Variants in ANKRD30BL observed in about 807,000 individuals in gnomAD.
ANKRD30BL encodes putative ankyrin repeat domain-containing protein 30B-like.
In ANKRD30BL, 20 loss-of-function variants were observed where a neutral mutation model predicts 18.4. The observed-to-expected ratio is 1.09, with a 90% CI of 0.77 to 1.58. The LOEUF is 1.58. ANKRD30BL is among the 40% of genes most tolerant of loss of function. The probability of loss-of-function intolerance (pLI) is 0.00; values close to 1 mark genes in which losing one functional copy is unlikely to be tolerated. For synonymous variants in ANKRD30BL, 72 were observed against 100.9 expected (o/e 0.71, Z 1.72); for missense variants, 224 against 268.6 (o/e 0.83, Z 1.16).
intron 1 of ANKRD30BL, among the ~76,000 whole-genome samples, chr2:132,238,521 T>G (rs1328154658): frequency 2.0e-5 from 3 of 151,974 alleles, no homozygotes; most frequent in African/African-American, 7.2e-5. Flanking sequence ...GACTTGAACA[T>G]TCGTTTTCAT....
intron 4 of ANKRD30BL, among the ~76,000 whole-genome samples, chr2:132,151,694 T>C (rs1447768539): frequency 6.6e-6 from 1 of 152,150 alleles, no homozygotes; most frequent in Non-Finnish European, 1.5e-5. Flanking sequence ...TAATTCCTAC[T>C]TTTGGACATT....
intron 1 of ANKRD30BL, among the ~76,000 whole-genome samples, chr2:132,188,665 A>ACC (rs1678768332): frequency 6.6e-6 from 1 of 152,136 alleles, no homozygotes; most frequent in Admixed American, 6.5e-5. Context: ...AGCCAAGATC[A>ACC]CGCCACTGCA....
At chr2:132,230,304 T>C (rs1398327569) in intron 1 of ANKRD30BL, among the ~76,000 whole-genome samples, 2 of 151,972 alleles carry the variant, frequency 1.3e-5, no homozygotes, top group African/African-American at 2.4e-5. Context: ...CGGGAATATC[T>C]TCACATAAAA....
chr2:132,202,501 A>G (rs6430119), intron 1 of ANKRD30BL, among the ~76,000 whole-genome samples: 24,210 of 150,996 alleles, frequency 0.16, 4,187 homozygotes, highest in African/African-American at 0.44. Flanking sequence ...AATTTTAATC[A>G]GAAATTTCAA....
chr2:132,178,690 A>G (rs1240795497), intron 1 of ANKRD30BL, among the ~76,000 whole-genome samples: 1 of 152,150 alleles, frequency 6.6e-6, no homozygotes, highest in Admixed American at 6.5e-5. Flanking sequence ...GGTTAGTTGT[A>G]TCAAAATGTA....
chr2:132,217,686 T>C (rs1181289944), intron 1 of ANKRD30BL, among the ~76,000 whole-genome samples: 2 of 152,290 alleles, frequency 1.3e-5, no homozygotes, highest in Non-Finnish European at 1.5e-5. Flanking sequence ...AACCTTTCTT[T>C]TTATAGAGCA....
rs758878664 is a variant in ANKRD30BL at position 132,157,414 on chromosome 2, T to C, written c.228A>G (p.Leu76=). 2.8e-5 allele frequency: 20 copies of C among 719,770 alleles called. No homozygotes were observed. The African/African-American group carries it at 3.5e-4, about 12-fold the overall frequency. 44.6% of individuals were successfully genotyped at this position (719,770 alleles called of 1,614,324 possible). ...CATGGCCATTGGCACAGGCCCAGTA[T>C]AGAGCAGTCCTACAAGAATGAGAGG... is the stretch of plus-strand genomic sequence containing the variant. The part of the protein sequence containing the change: ...NIRDAKKRTA[L]YWACANGHAE... The change falls in exon 2 of 6, where the codon CTA becomes CTG. Residue 76 remains leucine, a synonymous_variant. Transcript: ENST00000409867.
intron 1 of ANKRD30BL, among the ~76,000 whole-genome samples, chr2:132,220,374 C>G (rs375442078): frequency 1.5e-5 from 2 of 136,858 alleles, no homozygotes; most frequent in Non-Finnish European, 3.1e-5. Context: ...CCCTCTCCCT[C>G]TCCCCACGGT....
chr2:132,238,576 A>G (rs943225554), intron 1 of ANKRD30BL, among the ~76,000 whole-genome samples: 20 of 151,980 alleles, frequency 1.3e-4, no homozygotes, highest in South Asian at 2.1e-4. Flanking sequence ...GTAAGTGGAA[A>G]CTTGGTGCTC....
At chr2:132,236,698 A>G (rs1431855807) in intron 1 of ANKRD30BL, among the ~76,000 whole-genome samples, 1 of 152,220 alleles carries the variant, frequency 6.6e-6, no homozygotes, top group South Asian at 2.1e-4. Flanking sequence ...TAGTTCAACC[A>G]TTAGGGAAGT....
At chr2:132,182,584 T>C (rs10445649) in intron 1 of ANKRD30BL, among the ~76,000 whole-genome samples, 6 of 152,018 alleles carry the variant, frequency 3.9e-5, no homozygotes, top group Admixed American at 6.6e-5. Flanking sequence ...TAATAATGAG[T>C]TATTGCACAA....
chr2:132,179,688 G>A (rs1573819759), intron 1 of ANKRD30BL, among the ~76,000 whole-genome samples: 1 of 152,148 alleles, frequency 6.6e-6, no homozygotes, highest in Non-Finnish European at 1.5e-5. Flanking sequence ...GTATCCAGAA[G>A]GAGGGATTGT....
intron 1 of ANKRD30BL, among the ~76,000 whole-genome samples, chr2:132,221,929 C>G (rs1223046345): frequency 3.0e-5 from 4 of 131,208 alleles, no homozygotes; most frequent in African/African-American, 1.3e-4. Flanking sequence ...GGGGATCAGC[C>G]CCCCGCCTGG....
intron 1 of ANKRD30BL, among the ~76,000 whole-genome samples, chr2:132,240,268 TTACAAGAGGA>T (rs1680279057): frequency 6.6e-6 from 1 of 150,770 alleles, no homozygotes; most frequent in Non-Finnish European, 1.5e-5. Context: ...CTTGTAGAAT[TTACAAGAGGA>T]TATTTGGACA....
chr2:132,246,682 A>G (rs1680508841), intron 1 of ANKRD30BL, among the ~76,000 whole-genome samples: 1 of 152,024 alleles, frequency 6.6e-6, no homozygotes, highest in Non-Finnish European at 1.5e-5. Flanking sequence ...CTTTTTTGTG[A>G]TGCTTGCATT....
rs575250232 is a variant in ANKRD30BL at position 132,246,818 on chromosome 2, A to G, written n.441+10711T>C. Reference sequence around the variant, plus strand: ...GAAAAAGGAAATATCTTCCAATAAAACTAGGCAGAAGAATTCTCAGAAACT... The same window carrying G: ...GAAAAAGGAAATATCTTCCAATAAAGCTAGGCAGAAGAATTCTCAGAAACT... On this transcript the variant is annotated intron_variant and non_coding_transcript_variant, in intron 1 of 4. Coordinates refer to the ANKRD30BL transcript ENST00000470729. Among the ~76,000 whole-genome samples, 1,002 of 152,054 alleles carry G rather than the reference A, an allele frequency of 6.6e-3. 5 individuals are homozygous for G. Among genetic ancestry groups the G allele is most frequent in the Middle Eastern group, 0.031 (9 of 294 alleles).
chr2:132,171,274 T>A (rs1156834015), intron 1 of ANKRD30BL, among the ~76,000 whole-genome samples: 1 of 152,110 alleles, frequency 6.6e-6, no homozygotes, highest in Non-Finnish European at 1.5e-5. Context: ...AGGAAAAGTA[T>A]CTAAAACTCT....
intron 1 of ANKRD30BL, among the ~76,000 whole-genome samples, chr2:132,222,549 C>A (rs1411632882): frequency 1.3e-5 from 2 of 152,066 alleles, no homozygotes; most frequent in African/African-American, 4.8e-5. Context: ...CAACCCTGTG[C>A]TCTCTGAAAC....
At chr2:132,151,412 A>G (rs1298032362) in intron 4 of ANKRD30BL, among the ~76,000 whole-genome samples, 1 of 152,142 alleles carries the variant, frequency 6.6e-6, no homozygotes, top group Non-Finnish European at 1.5e-5. Context: ...ATAAAAAATG[A>G]AGCAAAAAAA....
Sources: allele counts gnomAD v4.1 joint callset (sites outside exome capture counted in the v4.1 genomes callset), GRCh38; gene constraint gnomAD v4.1.1; transcripts MANE v1.5; gene names NCBI Gene and HGNC (gene_info 2026-07-23, HGNC 2026-07-21).